The following G2E3 variants were observed in gnomAD, a reference collection of about 807,000 sequenced individuals.
G2E3 encodes G2/M-phase specific E3 ubiquitin protein ligase.
In G2E3, 35 loss-of-function variants were observed where a neutral mutation model predicts 92.8. The ratio of observed to expected loss-of-function variants is 0.38; its 90% CI spans 0.29 to 0.50. G2E3 has a LOEUF of 0.50. Among genes scored for constraint, G2E3 ranks in the 20% least tolerant of loss-of-function variants. G2E3 has a pLI of 0.94. For synonymous variants in G2E3, 242 were observed against 272.4 expected (o/e 0.89, Z 1.10); for missense variants, 554 against 823.8 (o/e 0.67, Z 4.01).
chr14:30,604,313 G>T lies in G2E3; in HGVS notation c.1011-1192G>T, dbSNP rs141517652. On this transcript the variant is annotated intron_variant, in intron 10 of 14. Coordinates refer to ENST00000206595, the MANE Select transcript of G2E3 (RefSeq NM_017769.5). ...AAGAAAAAAGAAAAAGCAAAACCTG[G>T]CCTACACTAGGGCACTGTAACGTCT... Among the ~76,000 whole-genome samples, 227 of 152,328 alleles carry T rather than the reference G, an allele frequency of 1.5e-3. 1 individual carries two copies. Among genetic ancestry groups the T allele is most frequent in the African/African-American group, 4.7e-3 (195 of 41,572 alleles).
At chr14:30,568,943 C>T (rs928536394) in intron 1 of G2E3, among the ~76,000 whole-genome samples, 11 of 152,114 alleles carry the variant, frequency 7.2e-5, no homozygotes, top group African/African-American at 2.7e-4. Context: ...ATTAGCATCT[C>T]TAGTAGGACA....
intron 1 of G2E3, among the ~76,000 whole-genome samples, chr14:30,564,818 A>G (rs1879335853): frequency 6.6e-6 from 1 of 152,162 alleles, no homozygotes; most frequent in Admixed American, 6.5e-5. Context: ...TTATTGCCAC[A>G]TAATCATTCT....
chr14:30,561,602 C>T (rs1477584088), intron 1 of G2E3, among the ~76,000 whole-genome samples: 1 of 152,152 alleles, frequency 6.6e-6, no homozygotes, highest in Non-Finnish European at 1.5e-5. Context: ...GCATATTTAG[C>T]CATTGGCCTT....
In G2E3 at chr14:30,616,655, T is replaced by G; in HGVS notation, c.*121T>G. On this transcript the variant is annotated 3_prime_UTR_variant, in exon 15 of 15. Transcript: ENST00000206595. The stretch of plus-strand genomic sequence containing the variant: ...AGTTAGCTTCTTGACCTAATAAAAT[T>G]TATGATATGAATATAAAGGAATATT... The G allele has an allele frequency of 4.1e-6, 3 of 729,772 alleles. No individual in the cohort carries two copies. The highest frequency in any genetic ancestry group is 4.4e-6 in the Non-Finnish European group (2 of 450,618). The allele number at this position is 729,772 out of a possible 1,614,324, so 45.2% of individuals were successfully genotyped here.
chr14:30,601,974 C>G, intron 9 of G2E3, 25 bp from the exon 10 acceptor site: 2 of 1,606,572 alleles, frequency 1.2e-6, no homozygotes, highest in Non-Finnish European at 1.7e-6. Flanking sequence ...CTCTATTATG[C>G]TAACATGGAA....
intron 1 of G2E3, among the ~76,000 whole-genome samples, chr14:30,563,169 T>A (rs1243154067): frequency 1.3e-5 from 2 of 152,112 alleles, no homozygotes; most frequent in Non-Finnish European, 2.9e-5. Flanking sequence ...GTTTTTTTTT[T>A]TTTTAATTAT....
intron 1 of G2E3, among the ~76,000 whole-genome samples, chr14:30,567,891 A>G (rs1345413416): frequency 6.6e-6 from 1 of 151,924 alleles, no homozygotes; most frequent in Non-Finnish European, 1.5e-5. Context: ...TTCCATAGTC[A>G]TTGGAGAGGA....
At chr14:30,597,619 G>C in intron 7 of G2E3, 93 bp downstream of exon 7, 1 of 743,018 alleles carries the variant, frequency 1.3e-6, no homozygotes, top group Non-Finnish European at 2.4e-6. Flanking sequence ...GATTCAGTGA[G>C]CATGGACAGG....
In G2E3 at chr14:30,612,122, G is replaced by A. The variant is rs769320735; in HGVS notation, c.1501-85G>A. 5 of 922,920 alleles carry A rather than the reference G, an allele frequency of 5.4e-6. No homozygotes were observed. In the African/African-American group the frequency reaches 6.6e-5, roughly 12 times the overall value. 57.2% of individuals were successfully genotyped at this position (922,920 alleles called of 1,614,324 possible). A position where few individuals can be genotyped will look rare whatever the true frequency, so the allele number is the denominator to read the frequency against. On this transcript the variant is annotated intron_variant, in intron 12 of 14. Coordinates refer to ENST00000206595, the MANE Select transcript of G2E3 (RefSeq NM_017769.5). ...CACCCATATGTACTAAGAAATTTGA[G>A]TATAAATTAACAAGTATCATTTGAA...
chr14:30,618,268 T>C lies in G2E3; in HGVS notation c.*1734T>C, dbSNP rs182650629. On this transcript the variant is annotated 3_prime_UTR_variant, in exon 15 of 15. Coordinates refer to ENST00000206595, the MANE Select transcript of G2E3 (RefSeq NM_017769.5). ...AATTTTTTTGTCTCACCAATAGTAA[T>C]TGAAAGATCAATTATCAAAGAGTTT... The C allele has an allele frequency of 1.3e-5, 2 of 152,232 alleles. No homozygotes were observed. The highest frequency in any genetic ancestry group is 2.4e-5 in the African/African-American group (1 of 41,546). The allele number at this position is 152,232 out of a possible 1,614,324, so 9.4% of individuals were successfully genotyped here.
Position 30,589,718 on chromosome 14 carries a change from T to G in G2E3, c.237+234T>G, listed in dbSNP as rs1458135111. Among the ~76,000 whole-genome samples the G allele has an allele frequency of 2.6e-5, 4 of 152,102 alleles. No homozygotes were observed. The East Asian group carries it at 7.7e-4, about 29-fold the overall frequency. On this transcript the variant is annotated intron_variant, in intron 4 of 14. Transcript: ENST00000206595. ...CAATACTGACTTCACTTCCTTATCT[T>G]ATTCCAACATGTCCATCAGAATTGA...
intron 7 of G2E3, among the ~76,000 whole-genome samples, chr14:30,597,842 T>C (rs1228452330): frequency 6.6e-5 from 10 of 152,248 alleles, no homozygotes; most frequent in Non-Finnish European, 1.5e-4. Context: ...ATTTAAAATA[T>C]GTAAGAATTT....
intron 12 of G2E3, chr14:30,611,543 C>G (rs538980843): frequency 3.9e-5 from 6 of 152,310 alleles, no homozygotes; most frequent in Non-Finnish European, 2.9e-5. Context: ...ATGCTGTTCA[C>G]TAAAATATTC....
intron 10 of G2E3, among the ~76,000 whole-genome samples, chr14:30,605,138 C>T (rs369642570): frequency 1.3e-5 from 2 of 152,274 alleles, no homozygotes; most frequent in African/African-American, 2.4e-5. Flanking sequence ...TCAGGTGATC[C>T]GCCTGCCTCT....
intron 2 of G2E3, among the ~76,000 whole-genome samples, chr14:30,583,348 A>C (rs1162231837): frequency 6.6e-6 from 1 of 152,226 alleles, no homozygotes; most frequent in Non-Finnish European, 1.5e-5. Context: ...ACTAAGGCAT[A>C]GTTTGAGGTA....
In G2E3 at chr14:30,581,123, A is replaced by T. The variant is rs1481048258; in HGVS notation, c.37+7A>T. ...GGTGACTCACAGAACCTTGGTAAGT[A>T]ACTGTATTTAAAATAATTTTATTAC... On this transcript the variant is annotated splice_region_variant and intron_variant, in intron 2 of 14. Transcript: ENST00000206595. 7.1e-7 allele frequency: 1 copy of T among 1,412,792 alleles called. No homozygotes were observed. Among genetic ancestry groups the T allele is most frequent in the African/African-American group, 1.4e-5 (1 of 71,136 alleles). 87.5% of individuals were successfully genotyped at this position (1,412,792 alleles called of 1,614,324 possible).
At chr14:30,567,332 T>G (rs1331307839) in intron 1 of G2E3, among the ~76,000 whole-genome samples, 2 of 152,186 alleles carry the variant, frequency 1.3e-5, no homozygotes, top group South Asian at 2.1e-4. Context: ...TCATTAGTGA[T>G]TCAATCTCTT....
At chr14:30,610,551 C>T (rs1349959236) in intron 12 of G2E3, among the ~76,000 whole-genome samples, 1 of 152,088 alleles carries the variant, frequency 6.6e-6, no homozygotes, top group Non-Finnish European at 1.5e-5. Flanking sequence ...GGCAGTGAGC[C>T]GGGATCATGC....
Position 30,589,077 on chromosome 14 carries a change from C to T in G2E3, c.136-306C>T, listed in dbSNP as rs117794879. 6.5e-3 allele frequency among the ~76,000 whole-genome samples: 991 copies of T among 152,044 alleles called. 6 individuals carry two copies. Among genetic ancestry groups the T allele is most frequent in the Non-Finnish European group, 0.011 (721 of 67,884 alleles). Reference sequence around the variant, plus strand: ...GTTCTTTCTTTCTTTTTTTCTTCCTCTAACCCACCTAACCACTCACTGCCT... The same window carrying T: ...GTTCTTTCTTTCTTTTTTTCTTCCTTTAACCCACCTAACCACTCACTGCCT... On this transcript the variant is annotated intron_variant, in intron 3 of 14. Transcript: ENST00000206595.
Sources: allele counts gnomAD v4.1 joint callset (sites outside exome capture counted in the v4.1 genomes callset), GRCh38; gene constraint gnomAD v4.1.1; transcripts MANE v1.5; gene names NCBI Gene and HGNC (gene_info 2026-07-23, HGNC 2026-07-21).